The following MAPKBP1 variants were observed in gnomAD, a reference collection of about 807,000 sequenced individuals.
MAPKBP1 encodes mitogen-activated protein kinase binding protein 1, also known as mitogen-activated protein kinase-binding protein 1.
Under a neutral mutation model 170.5 loss-of-function variants are expected in MAPKBP1, and 71 were observed. The observed-to-expected ratio is 0.42, with a 90% CI of 0.34 to 0.51. The LOEUF (loss-of-function observed/expected upper bound fraction) is 0.51. MAPKBP1 is among the 20% of genes least tolerant of loss of function. The pLI is 0.06. For synonymous variants in MAPKBP1, 719 were observed against 757.9 expected, an observed-to-expected ratio of 0.95 and a Z score of 0.84; for missense variants, 1,598 against 1,933.0, an observed-to-expected ratio of 0.83 and a Z score of 3.25.
At chr15:41,790,760 T>C (rs1337168039) in intron 2 of MAPKBP1, among the ~76,000 whole-genome samples, 1 of 152,192 alleles carries the variant, frequency 6.6e-6, no homozygotes, top group Non-Finnish European at 1.5e-5. Flanking sequence ...CAAGGTCTGC[T>C]CTCTTCTTCA....
At position 41,783,985 on chromosome 15, in the gene MAPKBP1, G is replaced by T. The variant is rs187478309; in HGVS notation, c.114+8596G>T. On this transcript the variant is annotated intron_variant, in intron 2 of 30. Coordinates refer to ENST00000457542, the MANE Select transcript of MAPKBP1 (RefSeq NM_014994.3). Reference sequence around the variant, plus strand: ...GATCGCGCCACTGCACTCCAGCCTGGGTGACAGAGCAAAACTCCGTCTCAA... The same window carrying T: ...GATCGCGCCACTGCACTCCAGCCTGTGTGACAGAGCAAAACTCCGTCTCAA... Among the ~76,000 whole-genome samples, 1,182 of 152,198 alleles carry T rather than the reference G, an allele frequency of 7.8e-3. 5 individuals are homozygous for T. Among genetic ancestry groups the T allele is most frequent in the Middle Eastern group, 0.027 (8 of 294 alleles).
chr15:41,786,367 C>T (rs920697000), intron 2 of MAPKBP1, among the ~76,000 whole-genome samples: 8 of 152,172 alleles, frequency 5.3e-5, no homozygotes, highest in African/African-American at 1.9e-4. Context: ...GGAAGTCTCT[C>T]CAATTTAAAC....
chr15:41,822,012 A>G lies in MAPKBP1; in HGVS notation c.2933A>G (p.Tyr978Cys). 6.2e-7 allele frequency: 1 copy of G among 1,610,496 alleles called. No homozygotes were observed. Among genetic ancestry groups the G allele is most frequent in the Non-Finnish European group, 8.5e-7 (1 of 1,178,370 alleles). ...GCCCGGGGAACTCTGGGAAGAGTGT[A>G]CCCAGGCAGCAGGAGCTCAGAAAAG... ...APARGTLGRV[Y>C]PGSRSSEKHS... Residue 978 changes from tyrosine to cysteine, a missense_variant, in exon 25 of 31, where the codon TAC (tyrosine) becomes TGC (cysteine). Tyr to Cys is a radical substitution (Grantham distance 194, BLOSUM62 -2). Transcript: ENST00000457542.
intron 2 of MAPKBP1, among the ~76,000 whole-genome samples, chr15:41,785,534 A>T (rs550613046): frequency 6.6e-6 from 1 of 152,312 alleles, no homozygotes; most frequent in South Asian, 2.1e-4. Context: ...AAGCTTCTCT[A>T]GATGTAGAAA....
intron 2 of MAPKBP1, among the ~76,000 whole-genome samples, chr15:41,787,076 G>T (rs1022761881): frequency 1.5e-4 from 23 of 150,862 alleles, no homozygotes; most frequent in Admixed American, 2.0e-4. Flanking sequence ...CATCTGCCTA[G>T]GCCTCTCAAA....
chr15:41,803,789 G>A (rs2152075393), intron 3 of MAPKBP1, among the ~76,000 whole-genome samples: 1 of 152,280 alleles, frequency 6.6e-6, no homozygotes, highest in Middle Eastern at 3.4e-3. Flanking sequence ...TCTAACCCAA[G>A]TAGTATGACT....
In MAPKBP1 at chr15:41,818,727, G is replaced by A; in HGVS notation, c.2157-96G>A. The A allele has an allele frequency of 6.4e-7, 1 of 1,555,016 alleles. No homozygotes were observed. Among genetic ancestry groups the A allele is most frequent in the Non-Finnish European group, 8.8e-7 (1 of 1,140,370 alleles). On this transcript the variant is annotated intron_variant, in intron 19 of 30. Coordinates refer to ENST00000457542, the MANE Select transcript of MAPKBP1 (RefSeq NM_014994.3). This position sits in a 1 kb window ranked among gnomAD's most constrained non-coding sequence, Gnocchi z 5.2. ...CTGTGCTTGACCTGAAGTGGAGGGT[G>A]GCTCTGGTCTCCTTGCCATCCATGG...
intron 2 of MAPKBP1, among the ~76,000 whole-genome samples, chr15:41,781,989 C>T (rs1246719415): frequency 6.6e-6 from 1 of 151,300 alleles, no homozygotes; most frequent in East Asian, 1.9e-4. Flanking sequence ...TGGCTCATGC[C>T]TGTAATCCTA....
intron 3 of MAPKBP1, chr15:41,810,569 G>T: frequency 9.6e-5 from 27 of 280,106 alleles, no homozygotes; most frequent in Middle Eastern, 1.1e-3. Flanking sequence ...AAAATACAAA[G>T]ATTAGCTTGC....
At chr15:41,792,969 G>A (rs1277310850) in intron 2 of MAPKBP1, among the ~76,000 whole-genome samples, 2 of 151,952 alleles carry the variant, frequency 1.3e-5, no homozygotes, top group South Asian at 4.2e-4. Context: ...CCCCTTTAGG[G>A]GGTCCATGAT....
rs569235142 is a variant in MAPKBP1 at position 41,793,015 on chromosome 15, G to A, written c.115-6808G>A. Among the ~76,000 whole-genome samples, 182 of 152,024 alleles carry A rather than the reference G, an allele frequency of 1.2e-3. 1 individual carries two copies. Among genetic ancestry groups the A allele is most frequent in the African/African-American group, 4.3e-3 (180 of 41,404 alleles). ...CAACTACATATCCAAATGAGGCTAG[G>A]TTTTCTTCGCATACTTCCACTAGAT... On this transcript the variant is annotated intron_variant, in intron 2 of 30. Transcript: ENST00000457542.
At chr15:41,790,308 G>A (rs2064373120) in intron 2 of MAPKBP1, among the ~76,000 whole-genome samples, 1 of 152,188 alleles carries the variant, frequency 6.6e-6, no homozygotes, top group African/African-American at 2.4e-5. Context: ...GAACCACCTG[G>A]AGAGCTTTAA....
Position 41,813,703 on chromosome 15 carries a change from C to G in MAPKBP1, c.902C>G (p.Pro301Arg). Residue 301 changes from proline to arginine, a missense_variant, in exon 9 of 31, where the codon CCC becomes CGC. Pro to Arg is a moderately radical substitution (Grantham distance 103, BLOSUM62 -2). This residue lies in a region of MAPKBP1 where 430 missense variants were observed against 617.2 expected (regional missense o/e 0.70). Transcript: ENST00000457542. ...CADGTVRLFNPSNLHFLSTLP... is the reference protein window; with the variant it reads ...CADGTVRLFNRSNLHFLSTLP... ...GATGGCACCGTGCGCCTTTTCAACC[C>G]CTCTAACCTGCACTTCCTTAGCACC... is the stretch of plus-strand genomic sequence containing the variant. The G allele has an allele frequency of 1.9e-6, 3 of 1,613,934 alleles. No individual in the cohort carries two copies. The highest frequency in any genetic ancestry group is 2.5e-6 in the Non-Finnish European group (3 of 1,179,954).
chr15:41,800,404 C>T (rs933562060), intron 3 of MAPKBP1, among the ~76,000 whole-genome samples: 4 of 150,770 alleles, frequency 2.7e-5, no homozygotes, highest in Non-Finnish European at 5.9e-5. Context: ...AGTGCAGTGG[C>T]TCGATGTTGG....
chr15:41,797,648 G>A (rs2064514742), intron 2 of MAPKBP1, among the ~76,000 whole-genome samples: 2 of 152,198 alleles, frequency 1.3e-5, no homozygotes, highest in Admixed American at 1.3e-4. Context: ...AGAATGTATA[G>A]AGAAGGCCAA....
rs375301244 is a variant in MAPKBP1 at position 41,799,924 on chromosome 15, C to T, written c.206+10C>T. 132 of 1,613,000 alleles carry T rather than the reference C, an allele frequency of 8.2e-5. No homozygotes were observed. Among genetic ancestry groups the T allele is most frequent in the Admixed American group, 1.2e-4 (7 of 59,982 alleles). ...TTGCTTACCCAGCAGGGTAAGTAAGCGCCTTGGAAGAGATCTTGATGCATG... is the reference window on the plus strand; with the variant it reads ...TTGCTTACCCAGCAGGGTAAGTAAGTGCCTTGGAAGAGATCTTGATGCATG... On this transcript the variant is annotated intron_variant, in intron 3 of 30. Coordinates refer to ENST00000457542, the MANE Select transcript of MAPKBP1 (RefSeq NM_014994.3).
intron 8 of MAPKBP1, 93 bp downstream of exon 8, chr15:41,813,194 T>C (rs770163776): frequency 3.5e-5 from 54 of 1,535,468 alleles, no homozygotes; most frequent in Non-Finnish European, 4.4e-5. Context: ...GCTGGTCCCT[T>C]GTGCATACGG....
In MAPKBP1 at chr15:41,812,157, C is replaced by T. The variant is rs372095954; in HGVS notation, c.498+30C>T. ...GTGGCTGGGTGGGGTGGCCTGGCAG[C>T]CTCACAGGGGTCAAGTGTCAGCTGG... On this transcript the variant is annotated intron_variant, in intron 6 of 30. Transcript: ENST00000457542. 68 of 1,612,710 alleles carry T rather than the reference C, an allele frequency of 4.2e-5. No homozygotes were observed. In the African/African-American group the frequency reaches 8.8e-4, roughly 21 times the overall value.
intron 2 of MAPKBP1, among the ~76,000 whole-genome samples, chr15:41,793,824 T>G (rs1031938876): frequency 6.6e-6 from 1 of 152,258 alleles, no homozygotes; most frequent in Non-Finnish European, 1.5e-5. Flanking sequence ...CATCGCCTGC[T>G]GCCGTGCTTA....
Sources: allele counts gnomAD v4.1 joint callset (sites outside exome capture counted in the v4.1 genomes callset), GRCh38; gene constraint gnomAD v4.1.1; regional missense constraint gnomAD v4.1.1; non-coding constraint Gnocchi (gnomAD v3.1); transcripts MANE v1.5; gene names NCBI Gene and HGNC (gene_info 2026-07-23, HGNC 2026-07-21).